CR1: variants seen among roughly 807,000 people sequenced by gnomAD.
CR1 encodes complement C3b/C4b receptor 1 (Knops blood group).
Under a neutral mutation model 187.3 loss-of-function variants are expected in CR1, and 116 were observed. The ratio of observed to expected loss-of-function variants is 0.62; its 90% CI spans 0.53 to 0.72. The LOEUF (loss-of-function observed/expected upper bound fraction) is 0.72. Among genes scored for constraint, CR1 ranks in the 30% least tolerant of loss-of-function variants. CR1 has a pLI of 0.00. For missense variants in CR1, 1,731 were observed against 2,110.7 expected (o/e 0.82, Z 3.52); for synonymous variants, 576 against 747.1 (o/e 0.77, Z 3.73).
At position 207,641,217 on chromosome 1, in the gene CR1, T is replaced by C. The variant is rs764873408; in HGVS notation, c.*1808T>C. ...TAAAGGAGGACTAGAAACTAAGTGA[T>C]TGGGAATTGGCCTTTTTAGAATTAA... On this transcript the variant is annotated 3_prime_UTR_variant, in exon 47 of 47. Coordinates refer to ENST00000367049, the MANE Select transcript of CR1 (RefSeq NM_000651.6). 22 of 152,168 alleles carry C rather than the reference T, an allele frequency of 1.4e-4. No homozygotes were observed. The highest frequency in any genetic ancestry group is 3.1e-4 in the Non-Finnish European group (21 of 68,026). The allele number at this position is 152,168 out of a possible 1,614,324, so 9.4% of individuals were successfully genotyped here.
In CR1 at chr1:207,630,447, T is replaced by C. The variant is rs933148634; in HGVS notation, c.7353-70T>C. ...ATACCTTAAATTTCAAAATGCAAAT[T>C]ACTAATTTCTTTCAAAACAGATACT... On this transcript the variant is annotated intron_variant, in intron 45 of 46. Coordinates refer to ENST00000367049, the MANE Select transcript of CR1 (RefSeq NM_000651.6). 24 of 1,013,034 alleles carry C rather than the reference T, an allele frequency of 2.4e-5. No individual in the cohort carries two copies. The Admixed American group carries it at 7.1e-4, about 30-fold the overall frequency. The allele number at this position is 1,013,034 out of a possible 1,614,324, so 62.8% of individuals were successfully genotyped here. A position where few individuals can be genotyped will look rare whatever the true frequency, so the allele number is the denominator to read the frequency against.
chr1:207,585,261 A>G (rs1661079863), intron 33 of CR1, among the ~76,000 whole-genome samples: 1 of 152,244 alleles, frequency 6.6e-6, no homozygotes, highest in East Asian at 1.9e-4. Context: ...CATGAGGGGT[A>G]CATGGGCATG....
intron 35 of CR1, among the ~76,000 whole-genome samples, chr1:207,595,026 G>C (rs559155505): frequency 1.3e-4 from 20 of 151,882 alleles, no homozygotes; most frequent in African/African-American, 4.8e-4. Flanking sequence ...GGAACTATAT[G>C]AGGCATTTAT....
At chr1:207,519,869 T>C (rs1283524605) in intron 4 of CR1, among the ~76,000 whole-genome samples, 1 of 152,122 alleles carries the variant, frequency 6.6e-6, no homozygotes, top group Non-Finnish European at 1.5e-5. Flanking sequence ...GTTCAAACAG[T>C]TGGCCACATT....
At chr1:207,521,550 C>T (rs1252667030) in intron 4 of CR1, among the ~76,000 whole-genome samples, 1 of 149,462 alleles carries the variant, frequency 6.7e-6, no homozygotes, top group African/African-American at 2.4e-5. Context: ...TAATCTCACA[C>T]AAATTCTTAA....
intron 35 of CR1, among the ~76,000 whole-genome samples, chr1:207,605,214 C>T (rs1018400045): frequency 1.2e-4 from 18 of 144,422 alleles, no homozygotes; most frequent in African/African-American, 4.6e-4. Flanking sequence ...AAGCCAAGAT[C>T]ACATCACTGC....
chr1:207,589,315 A>T lies in CR1; in HGVS notation c.5810+541A>T, dbSNP rs547255231. On this transcript the variant is annotated intron_variant, in intron 35 of 46. Coordinates refer to ENST00000367049, the MANE Select transcript of CR1 (RefSeq NM_000651.6). ...TTGCCTCAACTGAGAAGGGGCTTTT[A>T]AAAACTCTGGAGTGGACCTCCATCA... 1.3e-3 allele frequency among the ~76,000 whole-genome samples: 198 copies of T among 152,292 alleles called. 1 individual carries two copies. The highest frequency in any genetic ancestry group is 4.4e-3 in the African/African-American group (184 of 41,564).
Position 207,614,473 on chromosome 1 carries a change from T to C in CR1, c.6645T>C (p.Ser2215=), listed in dbSNP as rs1662035848. Residue 2215 remains serine, a synonymous_variant, in exon 40 of 47, where the codon AGT becomes AGC. Coordinates refer to ENST00000367049, the MANE Select transcript of CR1 (RefSeq NM_000651.6). The part of the protein sequence containing the change: ...LAGMKALWNS[S]VPVCEQIFCP... Reference sequence around the variant, plus strand: ...GAATGAAAGCCCTTTGGAATAGCAGTGTTCCAGTGTGTGAACGTGAGTAGA... The same window carrying C: ...GAATGAAAGCCCTTTGGAATAGCAGCGTTCCAGTGTGTGAACGTGAGTAGA... 2 of 1,611,018 alleles carry C rather than the reference T, an allele frequency of 1.2e-6. No individual in the cohort carries two copies. The highest frequency in any genetic ancestry group is 1.7e-6 in the Non-Finnish European group (2 of 1,177,896).
chr1:207,498,865 G>A (rs191234191), intron 1 of CR1, among the ~76,000 whole-genome samples: 4 of 15,376 alleles, frequency 2.6e-4, no homozygotes, highest in Non-Finnish European at 2.9e-4. Flanking sequence ...GTGACAGAGC[G>A]CAACTCCAAA....
chr1:207,624,060 G>C (rs906138498), intron 45 of CR1, among the ~76,000 whole-genome samples: 2 of 151,312 alleles, frequency 1.3e-5, no homozygotes, highest in Non-Finnish European at 2.9e-5. Context: ...TGAGTAGCTG[G>C]GACTACAGCC....
chr1:207,609,826 G>C (rs1487236979), intron 37 of CR1, 138 bp downstream of exon 37: 28 of 876,232 alleles, frequency 3.2e-5, no homozygotes, highest in Non-Finnish European at 4.3e-5. Context: ...TGTTATCTCT[G>C]TTAATAATTG....
intron 29 of CR1, among the ~76,000 whole-genome samples, chr1:207,580,009 C>T (rs1393870636): frequency 6.6e-6 from 1 of 152,116 alleles, no homozygotes; most frequent in Non-Finnish European, 1.5e-5. Context: ...TCGGGATTAC[C>T]TTCCTAGGAA....
intron 4 of CR1, among the ~76,000 whole-genome samples, chr1:207,513,358 A>T (rs1490713044): frequency 6.6e-6 from 1 of 152,208 alleles, no homozygotes; most frequent in African/African-American, 2.4e-5. Context: ...TTCAATGGCA[A>T]CAGTTCCCAT....
In CR1 at chr1:207,622,008, G is replaced by A; in HGVS notation, c.7276+12G>A. ...TGCTCTCATAGTTGGTAAGTTTTAT[G>A]AAAGTTTTGCTGAGGAATTCTGGCA... On this transcript the variant is annotated intron_variant, in intron 44 of 46. Transcript: ENST00000367049. 1 of 1,592,808 alleles carries A rather than the reference G, an allele frequency of 6.3e-7. No individual in the cohort carries two copies. Among genetic ancestry groups the A allele is most frequent in the Non-Finnish European group, 8.6e-7 (1 of 1,167,468 alleles).
At chr1:207,612,619 C>G (rs1031302770) in intron 39 of CR1, among the ~76,000 whole-genome samples, 1 of 152,250 alleles carries the variant, frequency 6.6e-6, no homozygotes, top group African/African-American at 2.4e-5. Flanking sequence ...GGCCCAGGCT[C>G]ACCGCAGGAA....
At chr1:207,631,410 C>A (rs1662642405) in intron 46 of CR1, among the ~76,000 whole-genome samples, 2 of 152,208 alleles carry the variant, frequency 1.3e-5, no homozygotes, top group Admixed American at 1.3e-4. Context: ...TTTTATACTA[C>A]AACAGCAGAG....
At chr1:207,516,781 C>A (rs914674886) in intron 4 of CR1, among the ~76,000 whole-genome samples, 1 of 152,016 alleles carries the variant, frequency 6.6e-6, no homozygotes, top group Non-Finnish European at 1.5e-5. Context: ...CTTAGATATG[C>A]ACCTGTTTCA....
At chr1:207,577,224 G>A (rs572135342) in intron 28 of CR1, among the ~76,000 whole-genome samples, 4 of 151,358 alleles carry the variant, frequency 2.6e-5, no homozygotes, top group Non-Finnish European at 2.9e-5. Flanking sequence ...GCACTCCAGT[G>A]TGGGGAACAG....
chr1:207,628,828 T>C (rs1662560364), intron 45 of CR1, among the ~76,000 whole-genome samples: 1 of 152,234 alleles, frequency 6.6e-6, no homozygotes, highest in Non-Finnish European at 1.5e-5. Flanking sequence ...AGTATCTTTC[T>C]AGAGAACCGT....
Sources: gnomAD v4.1 joint callset for allele counts (sites outside exome capture counted in the v4.1 genomes callset) on GRCh38, gnomAD v4.1.1 for gene constraint, MANE v1.5 for transcripts, NCBI Gene and HGNC (gene_info 2026-07-23, HGNC 2026-07-21) for gene names.